The following EFNA5 variants were observed in gnomAD, a reference collection of about 807,000 sequenced individuals.
EFNA5 encodes ephrin-A5.
A neutral mutation model predicts 22.9 loss-of-function variants in EFNA5; 5 were observed. The ratio of observed to expected loss-of-function variants is 0.22; its 90% CI spans 0.11 to 0.46. The LOEUF is 0.46. EFNA5 is among the 20% of genes least tolerant of loss of function. EFNA5 has a pLI of 0.99. For synonymous variants in EFNA5, 113 were observed against 112.2 expected (o/e 1.01, Z -0.04); for missense variants, 237 against 293.3 (o/e 0.81, Z 1.40).
Position 107,427,378 on chromosome 5 carries a change from C to T in EFNA5, c.257G>A (p.Gly86Asp). ...GGAAGTGTGGTCGCAGGCACTGTAG[C>T]CATCAAAGTTCACCATGTAGAGGAC... is the stretch of plus-strand genomic sequence containing the variant. ...RYVLYMVNFDGYSACDHTSKG... is the reference protein window; with the variant it reads ...RYVLYMVNFDDYSACDHTSKG... The change falls in exon 2 of 5, where the codon GGC becomes GAC. Residue 86 changes from glycine to aspartate, a missense_variant. Physicochemically the swap from Gly to Asp is moderately conservative, Grantham distance 94. Transcript: ENST00000333274. The T allele has an allele frequency of 6.2e-7, 1 of 1,614,066 alleles. No individual in the cohort carries two copies. Among genetic ancestry groups the T allele is most frequent in the African/African-American group, 1.3e-5 (1 of 74,998 alleles).
chr5:107,503,491 G>A (rs754181644), intron 1 of EFNA5, among the ~76,000 whole-genome samples: 12 of 152,148 alleles, frequency 7.9e-5, no homozygotes, highest in Non-Finnish European at 1.3e-4. Context: ...TCAATCATTC[G>A]TTGCTCAGAA....
intron 1 of EFNA5, among the ~76,000 whole-genome samples, chr5:107,499,490 C>T (rs1026393146): frequency 1.3e-5 from 2 of 152,194 alleles, no homozygotes; most frequent in East Asian, 1.9e-4. Context: ...TTTTAGCAAG[C>T]TGTGGCCAAA....
At chr5:107,498,678 G>T (rs562971967) in intron 1 of EFNA5, among the ~76,000 whole-genome samples, 22 of 152,322 alleles carry the variant, frequency 1.4e-4, no homozygotes, top group Non-Finnish European at 2.5e-4. Context: ...CTTAAGCCAA[G>T]TATGGGGCCC....
At chr5:107,465,651 C>T (rs1175395647) in intron 1 of EFNA5, among the ~76,000 whole-genome samples, 1 of 152,042 alleles carries the variant, frequency 6.6e-6, no homozygotes. Flanking sequence ...CATGCAAATC[C>T]ATCACAGCAG....
chr5:107,581,320 C>A (rs34052514), intron 1 of EFNA5, among the ~76,000 whole-genome samples: 36,914 of 152,100 alleles, frequency 0.24, 5,221 homozygotes, highest in Middle Eastern at 0.33. Flanking sequence ...AACTTTCATT[C>A]CCTTTGTGAT....
intron 2 of EFNA5, among the ~76,000 whole-genome samples, chr5:107,408,520 C>T (rs938999227): frequency 6.6e-6 from 1 of 152,172 alleles, no homozygotes; most frequent in Non-Finnish European, 1.5e-5. Flanking sequence ...TTATGTCATG[C>T]TTGTTTAAAA....
chr5:107,539,183 G>A (rs1399713522), intron 1 of EFNA5, among the ~76,000 whole-genome samples: 1 of 152,200 alleles, frequency 6.6e-6, no homozygotes, highest in African/African-American at 2.4e-5. Flanking sequence ...TGCCCTACAT[G>A]CCTGGACTAT....
At chr5:107,550,902 C>G (rs1391991486) in intron 1 of EFNA5, among the ~76,000 whole-genome samples, 1 of 152,160 alleles carries the variant, frequency 6.6e-6, no homozygotes, top group Admixed American at 6.5e-5. Flanking sequence ...GTTTCTATAA[C>G]TATAAATTTG....
At chr5:107,663,048 A>G (rs887777090) in intron 1 of EFNA5, among the ~76,000 whole-genome samples, 9 of 152,152 alleles carry the variant, frequency 5.9e-5, no homozygotes, top group African/African-American at 2.2e-4. Context: ...TCAACTAAAT[A>G]TAAGAAGATA....
chr5:107,482,814 GTCTCTCTCTCTGTCTCTGTCTCTC>G (rs1420353576), intron 1 of EFNA5, among the ~76,000 whole-genome samples: 986 of 73,100 alleles, frequency 0.013, 16 homozygotes, highest in African/African-American at 0.039. Context: ...CTCTCTCTCT[GTCTCTCTCTCTGTCTCTGTCTCTC>G]TCTCTCTCTC....
chr5:107,464,471 G>T (rs1355994161), intron 1 of EFNA5, among the ~76,000 whole-genome samples: 1 of 152,152 alleles, frequency 6.6e-6, no homozygotes. Context: ...TCCTCGGGGA[G>T]CAAAGGGGAG....
chr5:107,569,360 T>C (rs1305703524), intron 1 of EFNA5, among the ~76,000 whole-genome samples: 5 of 145,506 alleles, frequency 3.4e-5, no homozygotes, highest in Non-Finnish European at 6.0e-5. Flanking sequence ...TTAAAATATA[T>C]ATACGTGTAT....
chr5:107,643,619 T>A (rs1750570237), intron 1 of EFNA5, among the ~76,000 whole-genome samples: 1 of 151,036 alleles, frequency 6.6e-6, no homozygotes, highest in Non-Finnish European at 1.5e-5. Context: ...AGGGAAGTAA[T>A]CCCTGAATGC....
At chr5:107,570,074 G>T (rs952973069) in intron 1 of EFNA5, among the ~76,000 whole-genome samples, 1 of 152,118 alleles carries the variant, frequency 6.6e-6, no homozygotes, top group African/African-American at 2.4e-5. Context: ...GGCTGTATCT[G>T]TTTAACACCA....
chr5:107,381,147 T>C lies in EFNA5; in HGVS notation c.*108A>G. 2.1e-6 allele frequency: 3 copies of C among 1,416,624 alleles called. No individual in the cohort carries two copies. In the South Asian group the frequency reaches 4.9e-5, roughly 23 times the overall value. The allele number at this position is 1,416,624 out of a possible 1,614,324, so 87.8% of individuals were successfully genotyped here. A position where few individuals can be genotyped will look rare whatever the true frequency, so the allele number is the denominator to read the frequency against. On this transcript the variant is annotated 3_prime_UTR_variant, in exon 5 of 5. Coordinates refer to ENST00000333274, the MANE Select transcript of EFNA5 (RefSeq NM_001962.3). ...AAAGAAAGAAAACAAAAATCTGACA[T>C]CTGCCAAAACCCAATAACAAGTCCC...
chr5:107,407,751 T>C (rs959015880), intron 2 of EFNA5, among the ~76,000 whole-genome samples: 2 of 152,226 alleles, frequency 1.3e-5, no homozygotes, highest in African/African-American at 4.8e-5. Context: ...GCACGCAAAA[T>C]CAATGTGTAT....
chr5:107,400,541 T>C (rs894905966), intron 2 of EFNA5, among the ~76,000 whole-genome samples: 1 of 152,308 alleles, frequency 6.6e-6, no homozygotes, highest in East Asian at 1.9e-4. Context: ...TCCTGGTTTA[T>C]TGTCTACTTC....
chr5:107,577,999 T>C (rs771720414), intron 1 of EFNA5, among the ~76,000 whole-genome samples: 11 of 152,134 alleles, frequency 7.2e-5, no homozygotes, highest in Non-Finnish European at 1.5e-4. Flanking sequence ...CCTGATAAGA[T>C]TATAAAAGAT....
intron 2 of EFNA5, among the ~76,000 whole-genome samples, chr5:107,389,537 T>A (rs1005577494): frequency 1.3e-5 from 2 of 152,228 alleles, no homozygotes; most frequent in African/African-American, 4.8e-5. Flanking sequence ...TACATGCACA[T>A]AACTGACTTT....
Sources: gnomAD v4.1 joint callset for allele counts (sites outside exome capture counted in the v4.1 genomes callset) on GRCh38, gnomAD v4.1.1 for gene constraint, MANE v1.5 for transcripts, NCBI Gene and HGNC (gene_info 2026-07-23, HGNC 2026-07-21) for gene names.